CCDC171: variants seen among roughly 807,000 people sequenced by gnomAD.
CCDC171 encodes the protein coiled-coil domain containing 171, also known as coiled-coil domain-containing protein 171.
In CCDC171, 177 loss-of-function variants were observed where a neutral mutation model predicts 168.2. That is an observed-to-expected ratio of 1.05 (90% CI 0.93 to 1.19). CCDC171 has a LOEUF of 1.19. Ranked by LOEUF, CCDC171 falls within the 50% of genes most tolerant of loss-of-function variation. The pLI, the probability that CCDC171 is intolerant of heterozygous loss-of-function variation, is 0.00. For synonymous variants in CCDC171, 687 were observed against 540.8 expected (o/e 1.27, Z -3.75); for missense variants, 1,991 against 1,539.0 (o/e 1.29, Z -4.91).
chr9:15,791,948 C>T (rs2058292345), intron 21 of CCDC171, among the ~76,000 whole-genome samples: 1 of 152,142 alleles, frequency 6.6e-6, no homozygotes, highest in Non-Finnish European at 1.5e-5. Context: ...CAGCTCCTCA[C>T]CAGCAATGGA....
At chr9:16,072,103 A>G in the CCDC171 span, among the ~76,000 whole-genome samples, 1 of 152,228 alleles carries the variant, frequency 6.6e-6, no homozygotes, top group Non-Finnish European at 1.5e-5. Context: ...TTTTTATATT[A>G]AAACAGACTG....
chr9:15,798,283 C>T (rs1333620052), intron 21 of CCDC171, among the ~76,000 whole-genome samples: 1 of 152,094 alleles, frequency 6.6e-6, no homozygotes, highest in Non-Finnish European at 1.5e-5. Context: ...TTTCAGTCCT[C>T]ATACTGGTAA....
the CCDC171 span, among the ~76,000 whole-genome samples, chr9:16,070,655 G>T: frequency 6.6e-6 from 1 of 152,206 alleles, no homozygotes; most frequent in African/African-American, 2.4e-5. Context: ...GCAAGAAAGA[G>T]GAGAGAGGAG....
At chr9:15,934,412 A>G (rs1189312646) in intron 25 of CCDC171, among the ~76,000 whole-genome samples, 3 of 151,074 alleles carry the variant, frequency 2.0e-5, no homozygotes, top group South Asian at 2.1e-4. Flanking sequence ...AAAAGAAAAG[A>G]AAAGAAAGAA....
At chr9:15,557,964 T>C (rs2038949803) in intron 1 of CCDC171, among the ~76,000 whole-genome samples, 1 of 152,194 alleles carries the variant, frequency 6.6e-6, no homozygotes, top group Non-Finnish European at 1.5e-5. Flanking sequence ...TTGAATTTTG[T>C]CAAAGGCCTT....
At chr9:15,709,674 A>C (rs1237472968) in intron 11 of CCDC171, among the ~76,000 whole-genome samples, 1 of 152,180 alleles carries the variant, frequency 6.6e-6, no homozygotes, top group African/African-American at 2.4e-5. Context: ...AATTTTTAAA[A>C]CTATAAGAAT....
At chr9:16,012,603 T>C (rs1030261910) in intron 3 of CCDC171, among the ~76,000 whole-genome samples, 1 of 35,868 alleles carries the variant, frequency 2.8e-5, no homozygotes. Flanking sequence ...TATGGATTGC[T>C]GGTTGTTTTT....
intron 24 of CCDC171, among the ~76,000 whole-genome samples, chr9:15,884,472 C>G (rs1819124653): frequency 6.6e-6 from 1 of 151,910 alleles, no homozygotes; most frequent in African/African-American, 2.4e-5. Flanking sequence ...AATTGGCAAC[C>G]ATAAGTCTGT....
intron 6 of CCDC171, among the ~76,000 whole-genome samples, chr9:15,614,819 A>G (rs1032686440): frequency 2.6e-5 from 4 of 152,170 alleles, no homozygotes; most frequent in Non-Finnish European, 4.4e-5. Context: ...GATCTTTACT[A>G]TAGGATTGTT....
chr9:15,630,441 A>G (rs901893173), intron 7 of CCDC171, among the ~76,000 whole-genome samples: 2 of 152,228 alleles, frequency 1.3e-5, no homozygotes, highest in South Asian at 2.1e-4. Context: ...GCCATTACAT[A>G]ATGGTAAAAG....
At chr9:15,780,448 C>T (rs541253929) in intron 20 of CCDC171, among the ~76,000 whole-genome samples, 11 of 151,670 alleles carry the variant, frequency 7.3e-5, no homozygotes, top group Admixed American at 2.0e-4. Context: ...TTTGGGAAGC[C>T]AAGGTAGGAA....
rs545816588 is a variant in CCDC171, at chr9:15,615,561, C to A, written c.676-7706C>A. Among the ~76,000 whole-genome samples the A allele has an allele frequency of 2.4e-3, 368 of 152,212 alleles. 1 individual carries two copies. The highest frequency in any genetic ancestry group is 8.6e-3 in the African/African-American group (356 of 41,534). On this transcript the variant is annotated intron_variant, in intron 6 of 25. Transcript: ENST00000380701. ...TTGGCAAGTAATATTAAATATAGAT[C>A]AACTATCATAGCAGTAATATAGTAA... is the stretch of plus-strand genomic sequence containing the variant.
At chr9:15,981,528 C>T (rs528965874) in intron 3 of CCDC171, among the ~76,000 whole-genome samples, 1 of 152,114 alleles carries the variant, frequency 6.6e-6, no homozygotes, top group African/African-American at 2.4e-5. Flanking sequence ...TTAATATAAG[C>T]AGTGCTGATT....
intron 10 of CCDC171, among the ~76,000 whole-genome samples, chr9:15,691,886 C>T (rs535613927): frequency 6.6e-6 from 1 of 152,062 alleles, no homozygotes; most frequent in South Asian, 2.1e-4. Flanking sequence ...CTATGTTGCC[C>T]AGGCTCACCT....
chr9:15,695,024 C>T (rs2051108844), intron 10 of CCDC171, among the ~76,000 whole-genome samples: 1 of 152,284 alleles, frequency 6.6e-6, no homozygotes, highest in Admixed American at 6.5e-5. Context: ...TAGTGCCAGG[C>T]ACTAACTCCT....
chr9:16,095,166 G>A, the CCDC171 span, among the ~76,000 whole-genome samples: 1 of 152,140 alleles, frequency 6.6e-6, no homozygotes. Flanking sequence ...TTATAGCAGT[G>A]TGAGAAGGGA....
rs571021125 is a variant in CCDC171, at chr9:15,961,492, A to G, written c.3754-10117A>G. Among the ~76,000 whole-genome samples, 30 of 152,302 alleles carry G rather than the reference A, an allele frequency of 2.0e-4. No individual in the cohort carries two copies. In the South Asian group the frequency reaches 5.8e-3, roughly 29 times the overall value. ...AGTTGCATTTGCGCAGAGTAGAGGA[A>G]CAAATTACTCAGTGTCATTATTTGT... On this transcript the variant is annotated intron_variant, in intron 25 of 25. Transcript: ENST00000380701.
intron 24 of CCDC171, among the ~76,000 whole-genome samples, chr9:15,905,005 C>G (rs1437477090): frequency 1.3e-5 from 2 of 152,110 alleles, no homozygotes; most frequent in Non-Finnish European, 2.9e-5. Context: ...AATACAGGAG[C>G]ACTCAGATTC....
chr9:15,732,774 C>T (rs1162545442), intron 16 of CCDC171, among the ~76,000 whole-genome samples: 1 of 151,986 alleles, frequency 6.6e-6, no homozygotes, highest in Non-Finnish European at 1.5e-5. Flanking sequence ...TTTGTGTGAT[C>T]ATAAATTTTC....
Sources: gnomAD v4.1 joint callset for allele counts (sites outside exome capture counted in the v4.1 genomes callset) on GRCh38, gnomAD v4.1.1 for gene constraint, MANE v1.5 for transcripts, NCBI Gene and HGNC (gene_info 2026-07-23, HGNC 2026-07-21) for gene names.